The following PPFIBP2 variants were observed in gnomAD, a reference collection of about 807,000 sequenced individuals.
PPFIBP2 encodes the protein PPFIB scaffold protein 2, also known as liprin-beta-2.
A neutral mutation model predicts 118.3 loss-of-function variants in PPFIBP2; 118 were observed. That is an observed-to-expected ratio of 1.00 (90% CI 0.86 to 1.16). PPFIBP2 has a LOEUF of 1.16. Ranked by LOEUF, PPFIBP2 falls within the 50% of genes most tolerant of loss-of-function variation. PPFIBP2 has a pLI of 0.00. For missense variants in PPFIBP2, 1,195 were observed against 1,073.1 expected, an observed-to-expected ratio of 1.11 and a Z score of -1.59; for synonymous variants, 414 against 397.4, an observed-to-expected ratio of 1.04 and a Z score of -0.50.
At chr11:7,569,232 T>A (rs1418427389) in intron 3 of PPFIBP2, among the ~76,000 whole-genome samples, 1 of 152,254 alleles carries the variant, frequency 6.6e-6, no homozygotes, top group Non-Finnish European at 1.5e-5. Context: ...TTCTGGGTCC[T>A]GGCAGAGCTA....
At chr11:7,540,563 G>A (rs1851673211) in intron 1 of PPFIBP2, among the ~76,000 whole-genome samples, 1 of 152,106 alleles carries the variant, frequency 6.6e-6, no homozygotes, top group South Asian at 2.1e-4. Flanking sequence ...GCTGTTGTAG[G>A]GGAACATGCT....
chr11:7,558,816 T>C (rs1853961720), intron 2 of PPFIBP2, among the ~76,000 whole-genome samples: 1 of 152,148 alleles, frequency 6.6e-6, no homozygotes, highest in African/African-American at 2.4e-5. Context: ...GCATTGTATG[T>C]GGTCTTATCC....
chr11:7,639,840 G>A lies in PPFIBP2; in HGVS notation c.1345G>A (p.Asp449Asn), dbSNP rs1352892865. 6.2e-7 allele frequency: 1 copy of A among 1,614,148 alleles called. No individual in the cohort carries two copies. Among genetic ancestry groups the A allele is most frequent in the Non-Finnish European group, 8.5e-7 (1 of 1,180,024 alleles). Reference protein sequence around the residue: ...AKSPPTICQPDATGSSLLRLR... With the variant: ...AKSPPTICQPNATGSSLLRLR... ...ATCTCCTCCCACCATCTGCCAGCCT[G>A]ACGCCACGGGGAGCAGCCTGCTGAG... is the stretch of plus-strand genomic sequence containing the variant. Residue 449 changes from aspartate (D) to asparagine (N), a missense_variant, in exon 15 of 24, where the codon GAC becomes AAC. Transcript: ENST00000299492.
chr11:7,647,776 T>C (rs140510693), intron 17 of PPFIBP2, among the ~76,000 whole-genome samples: 1 of 152,262 alleles, frequency 6.6e-6, no homozygotes, highest in African/African-American at 2.4e-5. Context: ...GCTATACTTC[T>C]TGTTCTTATT....
At chr11:7,587,134 G>A (rs1372733972) in intron 3 of PPFIBP2, among the ~76,000 whole-genome samples, 1 of 152,130 alleles carries the variant, frequency 6.6e-6, no homozygotes, top group Non-Finnish European at 1.5e-5. Context: ...TGCTCTACAT[G>A]GGAAATAAGA....
chr11:7,648,609 C>T (rs1853494349), intron 18 of PPFIBP2, 72 bp downstream of exon 18: 2 of 1,580,070 alleles, frequency 1.3e-6, no homozygotes, highest in Admixed American at 1.7e-5. Flanking sequence ...GTCCGCCACT[C>T]CTGTCACACA....
chr11:7,632,246 C>T (rs1169258750), intron 11 of PPFIBP2: 1 of 152,310 alleles, frequency 6.6e-6, no homozygotes, highest in African/African-American at 2.4e-5. Context: ...CTCAGCCTTC[C>T]CTCTGGTGAG....
rs75565637 is a variant in PPFIBP2 at position 7,641,956 on chromosome 11, T to C, written c.1517+336T>C. 7.1e-3 allele frequency: 2,799 copies of C among 393,360 alleles called. 65 individuals carry two copies. The highest frequency in any genetic ancestry group is 0.052 in the African/African-American group (2,582 of 49,420). 24.4% of individuals were successfully genotyped at this position (393,360 alleles called of 1,614,324 possible). On this transcript the variant is annotated intron_variant, in intron 16 of 23. Coordinates refer to ENST00000299492, the MANE Select transcript of PPFIBP2 (RefSeq NM_003621.5). ...TTCTCCCTTCTTAGGAGTCAGTCTG[T>C]TTTAAGAAATCTTTGAAAAACCTTT...
intron 15 of PPFIBP2, chr11:7,641,066 G>T (rs897648420): frequency 1.6e-6 from 2 of 1,275,136 alleles, no homozygotes; most frequent in African/African-American, 1.5e-5. Context: ...CCCGTATTAG[G>T]TACTGTACCC....
chr11:7,624,221 T>G (rs1285038499), intron 7 of PPFIBP2, among the ~76,000 whole-genome samples: 1 of 152,122 alleles, frequency 6.6e-6, no homozygotes, highest in Non-Finnish European at 1.5e-5. Flanking sequence ...GCCCTGACAT[T>G]GGAGCAGGCA....
Position 7,648,803 on chromosome 11 carries a change from C to T in PPFIBP2, c.1801C>T (p.Leu601=). Reference sequence around the variant, plus strand: ...GGTCTTCATCTTTTAATTTCAGGAGCTAGGAATTAAGCACCCACTCCACAG... The same window carrying T: ...GGTCTTCATCTTTTAATTTCAGGAGTTAGGAATTAAGCACCCACTCCACAG... ...TATPQDMEKE[L]GIKHPLHRKK... Residue 601 remains leucine, a synonymous_variant, in exon 19 of 24, where the codon CTA becomes TTA. Transcript: ENST00000299492. 6.2e-7 allele frequency: 1 copy of T among 1,613,524 alleles called. No individual in the cohort carries two copies. Among genetic ancestry groups the T allele is most frequent in the Non-Finnish European group, 8.5e-7 (1 of 1,179,698 alleles).
intron 9 of PPFIBP2, 27 bp downstream of exon 9, chr11:7,628,373 C>G (rs956765496): frequency 7.5e-6 from 12 of 1,602,818 alleles, no homozygotes; most frequent in Non-Finnish European, 9.4e-6. Context: ...GTAGCCCTGT[C>G]TTTTCCATGC....
chr11:7,651,316 C>A (rs545418350), intron 22 of PPFIBP2: 3 of 345,502 alleles, frequency 8.7e-6, no homozygotes, highest in African/African-American at 6.1e-5. Context: ...GGATCCCTAT[C>A]ACTACTCAGA....
In PPFIBP2 at chr11:7,653,205, G is replaced by C; in HGVS notation, c.2618G>C (p.Gly873Ala). Residue 873 changes from glycine (G) to alanine (A), a missense_variant, in exon 24 of 24, where the codon GGA (glycine) becomes GCA (alanine). By Grantham distance (60) the Gly-to-Ala change is moderately conservative. Coordinates refer to ENST00000299492, the MANE Select transcript of PPFIBP2 (RefSeq NM_003621.5). ...GAACTGGATGGGCTGGACCAGGTGGGACAGATTAGCTGATGCCCTTGTCAC... is the reference window on the plus strand; with the variant it reads ...GAACTGGATGGGCTGGACCAGGTGGCACAGATTAGCTGATGCCCTTGTCAC... ...APELDGLDQVGQIS is the reference protein window; with the variant it reads ...APELDGLDQVAQIS 6.2e-7 allele frequency: 1 copy of C among 1,614,120 alleles called. No individual in the cohort carries two copies. Among genetic ancestry groups the C allele is most frequent in the South Asian group, 1.1e-5 (1 of 91,084 alleles).
rs916703526 is a variant in PPFIBP2, at chr11:7,583,974, G to A, written c.280-9158G>A. 2.6e-5 allele frequency among the ~76,000 whole-genome samples: 4 copies of A among 152,218 alleles called. No homozygotes were observed. In the South Asian group the frequency reaches 6.2e-4, roughly 24 times the overall value. Reference sequence around the variant, plus strand: ...CAATCATTCAAATGGTGCCTCCACTGTAAAGCCTCTTCTCTCTTTTGAAGG... The same window carrying A: ...CAATCATTCAAATGGTGCCTCCACTATAAAGCCTCTTCTCTCTTTTGAAGG... On this transcript the variant is annotated intron_variant, in intron 3 of 23. Coordinates refer to ENST00000299492, the MANE Select transcript of PPFIBP2 (RefSeq NM_003621.5).
chr11:7,597,358 G>T (rs750781795), intron 4 of PPFIBP2: 5 of 1,535,834 alleles, frequency 3.3e-6, no homozygotes, highest in South Asian at 1.2e-5. Context: ...AGCAGTGGCC[G>T]AGACTCCCTG....
At chr11:7,613,144 AG>A (rs1848264900) in intron 6 of PPFIBP2, among the ~76,000 whole-genome samples, 1 of 152,050 alleles carries the variant, frequency 6.6e-6, no homozygotes, top group Admixed American at 6.6e-5. Flanking sequence ...ACAGTTTCTC[AG>A]CTTAGCTCAG....
At chr11:7,601,788 C>T (rs181034947) in intron 5 of PPFIBP2, among the ~76,000 whole-genome samples, 3 of 152,138 alleles carry the variant, frequency 2.0e-5, no homozygotes, top group South Asian at 2.1e-4. Context: ...GGTGAAACCC[C>T]GTCTCTACTA....
At position 7,524,139 on chromosome 11, in the gene PPFIBP2, T is replaced by C. The variant is rs562563046; in HGVS notation, c.-37+10018T>C. The stretch of plus-strand genomic sequence containing the variant: ...CTGTGTGTGTCTGTGCGTGTGTGTG[T>C]GTGAGAGAGAGAGAGAGAGTTGTGT... On this transcript the variant is annotated intron_variant, in intron 1 of 23. Coordinates refer to ENST00000299492, the MANE Select transcript of PPFIBP2 (RefSeq NM_003621.5). Among the ~76,000 whole-genome samples, 5 of 151,898 alleles carry C rather than the reference T, an allele frequency of 3.3e-5. No individual in the cohort carries two copies. In the South Asian group the frequency reaches 1.0e-3, roughly 32 times the overall value.
Sources: gnomAD v4.1 joint callset for allele counts (sites outside exome capture counted in the v4.1 genomes callset) on GRCh38, gnomAD v4.1.1 for gene constraint, MANE v1.5 for transcripts, NCBI Gene and HGNC (gene_info 2026-07-23, HGNC 2026-07-21) for gene names.